MECOM: variants seen among roughly 807,000 people sequenced by gnomAD.
MECOM encodes histone-lysine N-methyltransferase MECOM.
Under a neutral mutation model 116.3 loss-of-function variants are expected in MECOM, and 13 were observed. The ratio of observed to expected loss-of-function variants is 0.11; its 90% CI spans 0.07 to 0.18. MECOM has a LOEUF of 0.18. Among genes scored for constraint, MECOM ranks in the 10% least tolerant of loss-of-function variants. MECOM has a pLI of 1.00. For missense variants in MECOM, 1,299 were observed against 1,509.0 expected, an observed-to-expected ratio of 0.86 and a Z score of 2.31; for synonymous variants, 528 against 535.2, an observed-to-expected ratio of 0.99 and a Z score of 0.19.
intron 10 of MECOM, among the ~76,000 whole-genome samples, chr3:169,104,046 C>G (rs182460023): frequency 2.0e-5 from 3 of 152,264 alleles, no homozygotes; most frequent in African/African-American, 7.2e-5. Flanking sequence ...ACTTGTCAGA[C>G]GACAAATGTG....
At chr3:169,269,961 T>C (rs796381569) in intron 2 of MECOM, among the ~76,000 whole-genome samples, 11 of 143,470 alleles carry the variant, frequency 7.7e-5, no homozygotes, top group African/African-American at 3.2e-4. Context: ...TGCATACGTA[T>C]ATAAAGGTGT....
intron 2 of MECOM, among the ~76,000 whole-genome samples, chr3:169,378,494 AAAGAAAGAAAGAAAGAAAG>A (rs1560197509): frequency 0.011 from 376 of 34,828 alleles, 66 homozygotes; most frequent in African/African-American, 0.094. Flanking sequence ...AGAGAGAAAG[AAAGAAAGAAAGAAAGAAAG>A]AAAAGAAAGA....
intron 3 of MECOM, among the ~76,000 whole-genome samples, chr3:169,134,892 G>A (rs1009705160): frequency 6.6e-6 from 1 of 152,106 alleles, no homozygotes; most frequent in African/African-American, 2.4e-5. Context: ...GTGGGGAAAT[G>A]ATGGGATGTC....
intron 1 of MECOM, among the ~76,000 whole-genome samples, chr3:169,642,454 A>C (rs1269140574): frequency 6.6e-6 from 1 of 151,678 alleles, no homozygotes; most frequent in East Asian, 1.9e-4. Flanking sequence ...CTCAAAAAAA[A>C]AAAAAAAAGA....
intron 1 of MECOM, among the ~76,000 whole-genome samples, chr3:169,546,572 A>C (rs766727753): frequency 5.9e-5 from 9 of 152,222 alleles, no homozygotes; most frequent in Non-Finnish European, 1.3e-4. Flanking sequence ...CCTCCTACGG[A>C]AAGAATAATG....
chr3:169,293,682 GTTAT>G lies in MECOM; in HGVS notation c.375+87501_375+87504del, dbSNP rs1418498318. ...AGTTATTATTACCAAACATTATATA[GTTAT>G]TTGTTTCTGTATTTATTCATTTTCT... is the stretch of plus-strand genomic sequence containing the variant. On this transcript the variant is annotated intron_variant, in intron 2 of 16. Coordinates refer to ENST00000651503, the MANE Select transcript of MECOM (RefSeq NM_004991.4). Among the ~76,000 whole-genome samples, 5 of 152,212 alleles carry G rather than the reference GTTAT, an allele frequency of 3.3e-5. No individual in the cohort carries two copies. In the East Asian group the frequency reaches 9.7e-4, roughly 29 times the overall value.
At chr3:169,097,311 T>C (rs4955637) in intron 12 of MECOM, among the ~76,000 whole-genome samples, 95,834 of 151,894 alleles carry the variant, frequency 0.63, 30,413 homozygotes, top group Admixed American at 0.68. Context: ...GTTGTTACTT[T>C]CTATCTCTCC....
chr3:169,648,430 A>G (rs901316443), intron 1 of MECOM, among the ~76,000 whole-genome samples: 6 of 152,222 alleles, frequency 3.9e-5, no homozygotes, highest in African/African-American at 1.4e-4. Context: ...AAAAATATAT[A>G]TGATACAATG....
chr3:169,369,742 C>T (rs1729782330), intron 2 of MECOM, among the ~76,000 whole-genome samples: 1 of 151,922 alleles, frequency 6.6e-6, no homozygotes, highest in South Asian at 2.1e-4. Flanking sequence ...AACTAATCTT[C>T]ACTTCTCTTG....
intron 1 of MECOM, among the ~76,000 whole-genome samples, chr3:169,444,537 C>T (rs1026346323): frequency 5.3e-5 from 8 of 152,100 alleles, no homozygotes; most frequent in Non-Finnish European, 8.8e-5. Context: ...GTGCCTTTCA[C>T]CCCCCGCCAT....
At chr3:169,599,751 A>T (rs1397037656) in intron 1 of MECOM, among the ~76,000 whole-genome samples, 2 of 152,174 alleles carry the variant, frequency 1.3e-5, no homozygotes, top group Admixed American at 6.5e-5. Flanking sequence ...AATAAAAGGG[A>T]AAGAATCAAA....
intron 1 of MECOM, among the ~76,000 whole-genome samples, chr3:169,592,301 CG>C (rs1446411022): frequency 1.3e-5 from 2 of 152,204 alleles, no homozygotes; most frequent in Non-Finnish European, 2.9e-5. Flanking sequence ...CTCCTAAAGA[CG>C]GATGTGGCTG....
chr3:169,656,558 G>A (rs1182926929), intron 1 of MECOM, among the ~76,000 whole-genome samples: 2 of 152,132 alleles, frequency 1.3e-5, no homozygotes, highest in Non-Finnish European at 2.9e-5. Context: ...ATGCCGAAGA[G>A]TATGGTTCCA....
chr3:169,504,314 T>C (rs1754940039), intron 1 of MECOM, among the ~76,000 whole-genome samples: 1 of 151,874 alleles, frequency 6.6e-6, no homozygotes, highest in Non-Finnish European at 1.5e-5. Flanking sequence ...GAGCTCTGTC[T>C]CGATGGGGAT....
At chr3:169,472,648 G>C in intron 1 of MECOM, among the ~76,000 whole-genome samples, 1 of 63,376 alleles carries the variant, frequency 1.6e-5, no homozygotes, top group African/African-American at 8.1e-5. Context: ...GAAAGGAAAG[G>C]AAAAGAAAAG....
At chr3:169,173,327 C>CTATTCT (rs1427106347) in intron 2 of MECOM, among the ~76,000 whole-genome samples, 2 of 152,044 alleles carry the variant, frequency 1.3e-5, no homozygotes, top group Non-Finnish European at 2.9e-5. Flanking sequence ...TATCCTCAGC[C>CTATTCT]TATTCTCCCT....
Position 169,085,048 on chromosome 3 carries a change from G to A in MECOM, c.3586-5C>T. ...TGACAGCATCATAGCATATGCCTGG[G>A]GTAAAAAGGAGAGAGACTCAGTAAA... On this transcript the variant is annotated splice_region_variant and splice_polypyrimidine_tract_variant and intron_variant, in intron 16 of 16. Coordinates refer to ENST00000651503, the MANE Select transcript of MECOM (RefSeq NM_004991.4). 1 of 1,613,606 alleles carries A rather than the reference G, an allele frequency of 6.2e-7. No homozygotes were observed. The highest frequency in any genetic ancestry group is 8.5e-7 in the Non-Finnish European group (1 of 1,179,790).
intron 1 of MECOM, among the ~76,000 whole-genome samples, chr3:169,631,299 A>G (rs1411929715): frequency 6.6e-6 from 1 of 152,228 alleles, no homozygotes; most frequent in African/African-American, 2.4e-5. Context: ...AATTCATTCT[A>G]AAAGAACAGT....
At chr3:169,528,820 A>C (rs1758245521) in intron 1 of MECOM, among the ~76,000 whole-genome samples, 1 of 152,240 alleles carries the variant, frequency 6.6e-6, no homozygotes, top group Non-Finnish European at 1.5e-5. Context: ...GGAAAATCTT[A>C]AAACATTTGC....
Sources: allele counts gnomAD v4.1 joint callset (sites outside exome capture counted in the v4.1 genomes callset), GRCh38; gene constraint gnomAD v4.1.1; transcripts MANE v1.5; gene names NCBI Gene and HGNC (gene_info 2026-07-23, HGNC 2026-07-21).